Variants in MACROD2 observed in about 807,000 individuals in gnomAD.
The protein encoded by MACROD2 is mono-ADP ribosylhydrolase 2, also known as ADP-ribose glycohydrolase MACROD2.
Under a neutral mutation model 70.4 loss-of-function variants are expected in MACROD2, and 36 were observed. That is an observed-to-expected ratio of 0.51 (90% confidence interval 0.39 to 0.68). MACROD2 has a LOEUF of 0.68. Ranked by LOEUF, MACROD2 falls within the 30% of genes least tolerant of loss-of-function variation. The pLI is 0.00. For synonymous variants in MACROD2, 172 were observed against 178.8 expected, an observed-to-expected ratio of 0.96 and a Z score of 0.30; for missense variants, 496 against 538.4, an observed-to-expected ratio of 0.92 and a Z score of 0.78.
At chr20:14,693,873 A>C (rs1268507033) in intron 5 of MACROD2, among the ~76,000 whole-genome samples, 2 of 152,166 alleles carry the variant, frequency 1.3e-5, no homozygotes, top group Admixed American at 6.5e-5. Context: ...CCGCTTCTTA[A>C]TACTGTCAGA....
chr20:14,216,359 G>T (rs2081622786), intron 3 of MACROD2, among the ~76,000 whole-genome samples: 1 of 152,046 alleles, frequency 6.6e-6, no homozygotes, highest in South Asian at 2.1e-4. Context: ...TGTTTCATTG[G>T]TCTATGTGCC....
At chr20:14,070,887 G>A (rs1474041837) in intron 2 of MACROD2, among the ~76,000 whole-genome samples, 1 of 152,046 alleles carries the variant, frequency 6.6e-6, no homozygotes, top group African/African-American at 2.4e-5. Context: ...GACGGCTAAG[G>A]GATCATCAGG....
At position 16,049,879 on chromosome 20, in the gene MACROD2, A is replaced by G. The variant is rs2067435597; in HGVS notation, c.*3A>G. Reference sequence around the variant, plus strand: ...AACAAAGAAATGGAACTAAATGACAATCCTCAGCATCGCAAGGCCTCTCCT... The same window carrying G: ...AACAAAGAAATGGAACTAAATGACAGTCCTCAGCATCGCAAGGCCTCTCCT... On this transcript the variant is annotated 3_prime_UTR_variant, in exon 18 of 18. Transcript: ENST00000684519. 1 of 1,520,586 alleles carries G rather than the reference A, an allele frequency of 6.6e-7. No individual in the cohort carries two copies. The highest frequency in any genetic ancestry group is 1.1e-5 in the South Asian group (1 of 89,814). 94.2% of individuals were successfully genotyped at this position (1,520,586 alleles called of 1,614,324 possible). A position where few individuals can be genotyped will look rare whatever the true frequency, so the allele number is the denominator to read the frequency against.
chr20:15,351,819 T>A (rs2078230532), intron 6 of MACROD2, among the ~76,000 whole-genome samples: 1 of 152,220 alleles, frequency 6.6e-6, no homozygotes, highest in Non-Finnish European at 1.5e-5. Flanking sequence ...CTACTAGGCA[T>A]GCCAAACATT....
chr20:15,224,535 C>T (rs1287875324), intron 5 of MACROD2, among the ~76,000 whole-genome samples: 7 of 152,090 alleles, frequency 4.6e-5, no homozygotes, highest in African/African-American at 7.2e-5. Flanking sequence ...GAAAAGTAGG[C>T]GTAGATTAAA....
chr20:15,045,719 GTTTTTTTTTTT>G lies in MACROD2; in HGVS notation c.419-184206_419-184196del, dbSNP rs71335981. ...TCTGATAATTTCTCTCCAGACCAGG[GTTTTTTTTTTT>G]TTTTTTTTTTTTTTCCCTTTCTGAT... On this transcript the variant is annotated intron_variant, in intron 5 of 17. Transcript: ENST00000684519. Among the ~76,000 whole-genome samples, 7 of 73,402 alleles carry G rather than the reference GTTTTTTTTTTT, an allele frequency of 9.5e-5. No individual in the cohort carries two copies. The East Asian group carries it at 2.7e-3, about 29-fold the overall frequency. 48.2% of individuals were successfully genotyped at this position (73,402 alleles called of 152,430 possible).
intron 4 of MACROD2, among the ~76,000 whole-genome samples, chr20:14,642,269 G>A (rs1985136262): frequency 6.6e-6 from 1 of 152,140 alleles, no homozygotes; most frequent in South Asian, 2.1e-4. Context: ...CTCTGGATTA[G>A]GCTTTGGCTT....
chr20:15,044,953 T>G (rs1236732080), intron 5 of MACROD2, among the ~76,000 whole-genome samples: 1 of 152,176 alleles, frequency 6.6e-6, no homozygotes, highest in East Asian at 1.9e-4. Flanking sequence ...AATGTTAAAA[T>G]GCAGCATCTG....
chr20:15,022,333 T>C (rs1032005735), intron 5 of MACROD2, among the ~76,000 whole-genome samples: 7 of 152,196 alleles, frequency 4.6e-5, no homozygotes, highest in Non-Finnish European at 8.8e-5. Context: ...GTCTGAAGTA[T>C]TTAGGATCTA....
At chr20:15,631,042 A>T (rs1197956578) in intron 8 of MACROD2, among the ~76,000 whole-genome samples, 1 of 152,214 alleles carries the variant, frequency 6.6e-6, no homozygotes, top group Non-Finnish European at 1.5e-5. Context: ...TGCCTTTCTG[A>T]ATACGTAACT....
intron 3 of MACROD2, chr20:14,324,016 C>T (rs1479254925): frequency 2.0e-5 from 3 of 152,088 alleles, no homozygotes; most frequent in Non-Finnish European, 2.9e-5. Flanking sequence ...AAATTTTTAG[C>T]CAACTTTTAT....
chr20:14,280,599 A>AC (rs1185296204), intron 3 of MACROD2, among the ~76,000 whole-genome samples: 1 of 152,196 alleles, frequency 6.6e-6, no homozygotes, highest in Non-Finnish European at 1.5e-5. Context: ...CTGAAGATTG[A>AC]CACAGGCACA....
chr20:15,548,087 T>C (rs2048048323), intron 8 of MACROD2, among the ~76,000 whole-genome samples: 1 of 152,070 alleles, frequency 6.6e-6, no homozygotes, highest in Admixed American at 6.5e-5. Context: ...CCCCCTCCCT[T>C]CCTCCATCCA....
chr20:15,458,520 T>A (rs1347760079), intron 7 of MACROD2, among the ~76,000 whole-genome samples: 1 of 152,068 alleles, frequency 6.6e-6, no homozygotes, highest in Non-Finnish European at 1.5e-5. Context: ...AATACCAACA[T>A]TCTTATTGAC....
rs570135529 is a variant in MACROD2, at chr20:15,173,652, G to A, written c.419-56288G>A. 2.6e-5 allele frequency among the ~76,000 whole-genome samples: 4 copies of A among 152,168 alleles called. No individual in the cohort carries two copies. The East Asian group carries it at 7.7e-4, about 29-fold the overall frequency. ...TAATTCAATTTTTTTTTGGCAGACA[G>A]TTTTAAAGGGAAGTCAAAGGTTATA... is the stretch of plus-strand genomic sequence containing the variant. On this transcript the variant is annotated intron_variant, in intron 5 of 17. Transcript: ENST00000684519.
chr20:14,377,436 T>C (rs2083382809), intron 3 of MACROD2, among the ~76,000 whole-genome samples: 2 of 152,212 alleles, frequency 1.3e-5, no homozygotes. Flanking sequence ...CCTTGTCCTG[T>C]CACTGTTTGG....
At chr20:14,576,122 ATT>A (rs1220858946) in intron 4 of MACROD2, among the ~76,000 whole-genome samples, 1 of 152,114 alleles carries the variant, frequency 6.6e-6, no homozygotes, top group Non-Finnish European at 1.5e-5. Context: ...CTAGTTTCTT[ATT>A]TAAGATTCCC....
At chr20:16,020,968 G>A (rs2066993565) in intron 15 of MACROD2, among the ~76,000 whole-genome samples, 1 of 152,164 alleles carries the variant, frequency 6.6e-6, no homozygotes, top group African/African-American at 2.4e-5. Flanking sequence ...TTAGAAAACA[G>A]AGAAAAATAA....
chr20:15,916,819 G>T (rs750628873), intron 10 of MACROD2, among the ~76,000 whole-genome samples: 22 of 152,256 alleles, frequency 1.4e-4, no homozygotes, highest in Middle Eastern at 3.4e-3. Flanking sequence ...ACACTACAAG[G>T]GTAATCACTC....
Sources: allele counts gnomAD v4.1 joint callset (sites outside exome capture counted in the v4.1 genomes callset), GRCh38; gene constraint gnomAD v4.1.1; transcripts MANE v1.5; gene names NCBI Gene and HGNC (gene_info 2026-07-23, HGNC 2026-07-21).